The following MYBPC3 variants were observed in gnomAD, a reference collection of about 807,000 sequenced individuals.
The protein encoded by MYBPC3 is myosin binding protein C3.
MYBPC3 carries 108 observed loss-of-function variants against 159.3 expected under a neutral mutation model. That is an observed-to-expected ratio of 0.68 (90% confidence interval 0.58 to 0.80). The LOEUF is 0.80. MYBPC3 is among the 30% of genes least tolerant of loss of function. The pLI is 0.00. For synonymous variants in MYBPC3, 730 were observed against 702.0 expected (o/e 1.04, Z -0.63); for missense variants, 1,631 against 1,762.1 (o/e 0.93, Z 1.33).
At chr11:47,343,206 G>A (rs759627548) in intron 14 of MYBPC3, 54 bp downstream of exon 14, 117 of 1,588,466 alleles carry the variant, frequency 7.4e-5, no homozygotes, top group Admixed American at 1.2e-4. Context: ...GGCCCAGTGC[G>A]CCCCATGATA....
rs374326087 is a variant in MYBPC3 at position 47,346,364 on chromosome 11, C to G, written c.933G>C (p.Ser311=). 6.7e-5 allele frequency: 107 copies of G among 1,586,838 alleles called. No individual in the cohort carries two copies. Among genetic ancestry groups the G allele is most frequent in the Middle Eastern group, 5.0e-4 (3 of 5,954 alleles). The stretch of plus-strand genomic sequence containing the variant: ...CCTCCTCTGCTGGTGCCTCCAGCTT[C>G]GAGTCCCTGTGTCCCGCAGTCTAGG... ...KRDSFRTPRD[S]KLEAPAEEDV... The change falls in exon 12 of 35, where the codon TCG becomes TCC. Residue 311 remains serine, a synonymous_variant. Coordinates refer to ENST00000545968, the MANE Select transcript of MYBPC3 (RefSeq NM_000256.3). The surrounding 1 kb of genome is among the most constrained non-coding windows in gnomAD (Gnocchi z 5.3).
rs1041212901 is a variant in MYBPC3, at chr11:47,346,101, C to T, written c.1090+106G>A. The T allele has an allele frequency of 3.3e-5, 49 of 1,474,218 alleles. No homozygotes were observed. In the Admixed American group the frequency reaches 9.5e-4, roughly 29 times the overall value. The allele number at this position is 1,474,218 out of a possible 1,614,324, so 91.3% of individuals were successfully genotyped here. A position where few individuals can be genotyped will look rare whatever the true frequency, so the allele number is the denominator to read the frequency against. On this transcript the variant is annotated intron_variant, in intron 12 of 34. Transcript: ENST00000545968. This position sits in a 1 kb window ranked among gnomAD's most constrained non-coding sequence, Gnocchi z 5.3. ...GGACGAGGTGGGGGGCTAACCTGTG[C>T]CCTCTCCTCTCCCCTGTGGGGAAGG...
At chr11:47,336,623 C>A (rs567945037) in intron 25 of MYBPC3, among the ~76,000 whole-genome samples, 1 of 152,112 alleles carries the variant, frequency 6.6e-6, no homozygotes, top group African/African-American at 2.4e-5. Context: ...GAGGCCTGGA[C>A]CCTTCTCCCC....
In MYBPC3 at chr11:47,342,003, GA is replaced by G. The variant is rs2095889088; in HGVS notation, c.1777del (p.Ser593ProfsTer9). The G allele has an allele frequency of 2.5e-6, 4 of 1,569,896 alleles. No homozygotes were observed. The East Asian group carries it at 9.4e-5, about 37-fold the overall frequency. ...ELVPDSRIKV[S>X]HIGRVHKLTI... ...CCTGCACACTCACCGCCCGATGTGG[GA>G]CACCTTTATGCGGCTGTCGGGCACC... is the stretch of plus-strand genomic sequence containing the variant. On this transcript the variant is annotated frameshift_variant, in exon 18 of 35. Transcript: ENST00000545968. LOFTEE classifies it high-confidence loss of function.
chr11:47,346,258 C>T lies in MYBPC3; in HGVS notation c.1039G>A (p.Gly347Ser), dbSNP rs397515884. The T allele has an allele frequency of 8.1e-6, 13 of 1,613,766 alleles. No individual in the cohort carries two copies. The highest frequency in any genetic ancestry group is 2.2e-5 in the East Asian group (1 of 44,886). The change falls in exon 12 of 35, where the codon GGC (glycine) becomes AGC (serine). Residue 347 changes from glycine (G) to serine (S), a missense_variant. Transcript: ENST00000545968. This position sits in a 1 kb window ranked among gnomAD's most constrained non-coding sequence, Gnocchi z 5.3. ...AFQYGVTDLR[G>S]MLKRLKGMRR... ...ATGCCCTTGAGCCTCTTTAGCATGC[C>T]GCGCAGGTCAGTGACGCCGTACTGG...
At chr11:47,341,625 C>G (rs1307134055) in intron 18 of MYBPC3, among the ~76,000 whole-genome samples, 1 of 152,208 alleles carries the variant, frequency 6.6e-6, no homozygotes. Flanking sequence ...GGCCTCCTGC[C>G]CTGCCCTGGT....
At chr11:47,339,973 T>G (rs980734816) in intron 20 of MYBPC3, among the ~76,000 whole-genome samples, 183 bp from the exon 21 acceptor site, 3 of 152,176 alleles carry the variant, frequency 2.0e-5, no homozygotes, top group Non-Finnish European at 4.4e-5. Flanking sequence ...CCCATGCAAT[T>G]ATTAATCCAA....
rs1199038134 is a variant in MYBPC3, at chr11:47,350,592, G to C, written c.316C>G (p.Pro106Ala). Residue 106 changes from proline to alanine, a missense_variant, in exon 3 of 35, where the codon CCT (proline) becomes GCT (alanine). Physicochemically the swap from Pro to Ala is conservative, Grantham distance 27. Transcript: ENST00000545968. The part of the protein sequence containing the change: ...EAEKAEPMLA[P>A]APAPAEATGA... ...GTGGCCTCAGCAGGGGCAGGGGCAG[G>C]GGCCAGCATGGGCTCTGCCTTCTCT... The C allele has an allele frequency of 6.6e-7, 1 of 1,511,790 alleles. No individual in the cohort carries two copies. Among genetic ancestry groups the C allele is most frequent in the Non-Finnish European group, 8.8e-7 (1 of 1,139,138 alleles). The allele number at this position is 1,511,790 out of a possible 1,614,324, so 93.6% of individuals were successfully genotyped here.
In MYBPC3 at chr11:47,342,761, G is replaced by A. The variant is rs3729945; in HGVS notation, c.1458-17C>T. ...TCCTTCAGCCTAGCCGGGTGGGTGG[G>A]TGGCAAGTGCTGTGGCCTCTTCTGG... On this transcript the variant is annotated splice_polypyrimidine_tract_variant and intron_variant, in intron 16 of 34. Coordinates refer to ENST00000545968, the MANE Select transcript of MYBPC3 (RefSeq NM_000256.3). 544 of 1,613,614 alleles carry A rather than the reference G, an allele frequency of 3.4e-4. 1 individual carries two copies. In the African/African-American group the frequency reaches 6.6e-3, roughly 20 times the overall value.
chr11:47,350,811 C>T (rs1459052501), intron 2 of MYBPC3, among the ~76,000 whole-genome samples, 196 bp from the exon 3 acceptor site: 1 of 152,230 alleles, frequency 6.6e-6, no homozygotes, highest in Non-Finnish European at 1.5e-5. Flanking sequence ...TTCTCCTCCC[C>T]GTCCCAGGCC....
Position 47,346,568 on chromosome 11 carries a change from G to A in MYBPC3, c.926+59C>T. The A allele has an allele frequency of 6.5e-7, 1 of 1,538,866 alleles. No homozygotes were observed. Among genetic ancestry groups the A allele is most frequent in the East Asian group, 2.3e-5 (1 of 43,914 alleles). ...GGAGCTGAAGAGGGGCTGGGGATCTGGAGGGGCTCCTGGCAGAATTAGGGG... is the reference window on the plus strand; with the variant it reads ...GGAGCTGAAGAGGGGCTGGGGATCTAGAGGGGCTCCTGGCAGAATTAGGGG... On this transcript the variant is annotated intron_variant, in intron 11 of 34. Transcript: ENST00000545968. This position sits in a 1 kb window ranked among gnomAD's most constrained non-coding sequence, Gnocchi z 5.3.
chr11:47,332,862 T>G lies in MYBPC3; in HGVS notation c.3442A>C (p.Ser1148Arg), dbSNP rs370658083. Residue 1148 changes from serine (S) to arginine (R), a missense_variant, in exon 31 of 35, where the codon AGT becomes CGT. Transcript: ENST00000545968. The surrounding 1 kb of genome is among the most constrained non-coding windows in gnomAD (Gnocchi z 4.2). ...RVFSQNMVGF[S>R]DRAATTKEPV... ...TCCTTGGTGGTGGCCGCTCTGTCAC[T>G]AAAGCCAACCATATTCTGGCTGAAG... 8 of 1,607,542 alleles carry G rather than the reference T, an allele frequency of 5.0e-6. No individual in the cohort carries two copies. The highest frequency in any genetic ancestry group is 2.2e-5 in the South Asian group (2 of 89,674).
At chr11:47,331,998 C>G in intron 33 of MYBPC3, 74 bp downstream of exon 33, 2 of 1,593,852 alleles carry the variant, frequency 1.3e-6, no homozygotes, top group Non-Finnish European at 1.7e-6. Context: ...CCGAGGACAA[C>G]GGAGCAAAGC....
chr11:47,341,605 C>A (rs2095888647), intron 18 of MYBPC3, among the ~76,000 whole-genome samples: 1 of 152,168 alleles, frequency 6.6e-6, no homozygotes, highest in African/African-American at 2.4e-5. Context: ...CCAGAGCCGG[C>A]CTCCTTGGTG....
intron 24 of MYBPC3, 33 bp downstream of exon 24, chr11:47,337,657 C>T: frequency 1.2e-6 from 2 of 1,603,338 alleles, no homozygotes; most frequent in South Asian, 2.2e-5. Flanking sequence ...TGTTTGGCGC[C>T]CTCACACCTC....
rs1175983914 is a variant in MYBPC3 at position 47,340,117 on chromosome 11, C to CAA, written c.1928-329_1928-328dup. Among the ~76,000 whole-genome samples, 939 of 147,688 alleles carry CAA rather than the reference C, an allele frequency of 6.4e-3. 12 individuals are homozygous for CAA. The highest frequency in any genetic ancestry group is 0.021 in the African/African-American group (864 of 40,418). On this transcript the variant is annotated intron_variant, in intron 20 of 34. Transcript: ENST00000545968. ...CTTGCCACACACATACACACACACA[C>CAA]AATACACACACACACACGCATATAC... is the stretch of plus-strand genomic sequence containing the variant.
chr11:47,347,812 G>T, intron 7 of MYBPC3, 45 bp downstream of exon 7: 3 of 1,552,428 alleles, frequency 1.9e-6, no homozygotes, highest in Non-Finnish European at 1.7e-6. Context: ...AAGGGCCTCA[G>T]ACTCCAGCAC....
chr11:47,339,827 A>C (rs764408229), intron 20 of MYBPC3, 37 bp from the exon 21 acceptor site: 1 of 1,601,760 alleles, frequency 6.2e-7, no homozygotes, highest in Non-Finnish European at 8.5e-7. Context: ...GAAACGGGAG[A>C]GCCAGGAGGA....
rs767913494 is a variant in MYBPC3 at position 47,348,491 on chromosome 11, G to A, written c.705C>T (p.Gly235=). The change falls in exon 6 of 35, where the codon GGC becomes GGT. Residue 235 remains glycine (G), a synonymous_variant. Coordinates refer to ENST00000545968, the MANE Select transcript of MYBPC3 (RefSeq NM_000256.3). ...TGGTGGACACCTCACAGCGGTAGCT[G>A]CCAGTGAAGGCAGGCTGGGCATCGG... ...HITDAQPAFT[G]SYRCEVSTKD... is the part of the protein sequence containing the mutation. 4.3e-6 allele frequency: 7 copies of A among 1,613,434 alleles called. No homozygotes were observed. Among genetic ancestry groups the A allele is most frequent in the Admixed American group, 3.3e-5 (2 of 59,964 alleles).
Sources: gnomAD v4.1 joint callset for allele counts (sites outside exome capture counted in the v4.1 genomes callset) on GRCh38, gnomAD v4.1.1 for gene constraint, Gnocchi (gnomAD v3.1) non-coding constraint, MANE v1.5 for transcripts, NCBI Gene and HGNC (gene_info 2026-07-23, HGNC 2026-07-21) for gene names.